Variants in TTC28 observed in about 807,000 individuals in gnomAD.
TTC28 encodes the protein tetratricopeptide repeat domain 28.
Under a neutral mutation model 198.0 loss-of-function variants are expected in TTC28, and 61 were observed. The observed-to-expected ratio is 0.31, with a 90% confidence interval of 0.25 to 0.38. The LOEUF (loss-of-function observed/expected upper bound fraction) is 0.38. Among genes scored for constraint, TTC28 ranks in the 10% least tolerant of loss-of-function variants. The probability of loss-of-function intolerance (pLI) is 1.00; values close to 1 mark genes in which losing one functional copy is unlikely to be tolerated. For missense variants in TTC28, 2,678 were observed against 3,164.0 expected (o/e 0.85, Z 3.69); for synonymous variants, 1,171 against 1,297.8 (o/e 0.90, Z 2.10).
chr22:28,468,359 C>T (rs991553692), intron 2 of TTC28, among the ~76,000 whole-genome samples: 3 of 151,984 alleles, frequency 2.0e-5, no homozygotes, highest in African/African-American at 4.8e-5. Context: ...ATTTCAGTGA[C>T]GACAAAAGCT....
chr22:28,091,117 C>T (rs1941800888), intron 12 of TTC28, among the ~76,000 whole-genome samples: 1 of 152,230 alleles, frequency 6.6e-6, no homozygotes, highest in African/African-American at 2.4e-5. Flanking sequence ...TCTTTCCTCT[C>T]TCTCTACCTT....
intron 12 of TTC28, among the ~76,000 whole-genome samples, chr22:28,030,749 C>T (rs1939041969): frequency 6.6e-6 from 1 of 152,262 alleles, no homozygotes; most frequent in Non-Finnish European, 1.5e-5. Context: ...GAGGCAAGTG[C>T]AGCTGTGAGG....
At chr22:28,572,457 T>C (rs550853587) in intron 2 of TTC28, among the ~76,000 whole-genome samples, 28 of 152,244 alleles carry the variant, frequency 1.8e-4, no homozygotes, top group African/African-American at 6.5e-4. Context: ...CTATAAAGGA[T>C]TGAAAATGAA....
chr22:28,332,838 C>T (rs1049190703), intron 2 of TTC28, among the ~76,000 whole-genome samples: 1 of 151,992 alleles, frequency 6.6e-6, no homozygotes, highest in Admixed American at 6.6e-5. Context: ...GCAATAAATG[C>T]CTATTGGTCA....
intron 5 of TTC28, among the ~76,000 whole-genome samples, chr22:28,275,420 T>C (rs774430406): frequency 2.6e-5 from 4 of 152,178 alleles, no homozygotes; most frequent in Non-Finnish European, 4.4e-5. Context: ...CAGGATCTCA[T>C]ATGCAGTGAA....
chr22:28,295,366 TTAA>T (rs1569244438), intron 5 of TTC28, among the ~76,000 whole-genome samples: 4 of 152,224 alleles, frequency 2.6e-5, no homozygotes, highest in South Asian at 2.1e-4. Context: ...CTCTTCCCTA[TTAA>T]TAATATTATA....
At chr22:28,146,091 G>A (rs1943463989) in intron 6 of TTC28, among the ~76,000 whole-genome samples, 1 of 152,158 alleles carries the variant, frequency 6.6e-6, no homozygotes, top group East Asian at 1.9e-4. Flanking sequence ...TGGTGTGTGG[G>A]GCTGTCCCAG....
intron 2 of TTC28, among the ~76,000 whole-genome samples, chr22:28,407,469 T>TGA (rs2047015430): frequency 1.4e-5 from 2 of 139,914 alleles, no homozygotes; most frequent in Admixed American, 7.3e-5. Flanking sequence ...CACACATGCG[T>TGA]GCGCACACAC....
At chr22:28,442,828 G>A (rs1175484285) in intron 2 of TTC28, 2 of 152,428 alleles carry the variant, frequency 1.3e-5, no homozygotes, top group Non-Finnish European at 2.9e-5. Flanking sequence ...TAACCGCCCC[G>A]TGTTACCCTT....
chr22:28,056,702 GT>G (rs2146721949), intron 12 of TTC28, among the ~76,000 whole-genome samples: 1 of 152,256 alleles, frequency 6.6e-6, no homozygotes, highest in African/African-American at 2.4e-5. Context: ...CATTAAGGAA[GT>G]TTTGACAAAG....
intron 6 of TTC28, among the ~76,000 whole-genome samples, chr22:28,141,892 T>G (rs1943344822): frequency 6.6e-6 from 1 of 152,202 alleles, no homozygotes; most frequent in African/African-American, 2.4e-5. Flanking sequence ...GCACAAGGGA[T>G]TCATTTATTA....
At chr22:28,001,628 G>C in intron 14 of TTC28, 75 bp from the exon 15 acceptor site, 1 of 1,483,222 alleles carries the variant, frequency 6.7e-7, no homozygotes. Flanking sequence ...ACAACCCTGA[G>C]CCCTAGCCTG....
intron 2 of TTC28, among the ~76,000 whole-genome samples, chr22:28,553,208 C>A (rs1346292395): frequency 6.6e-6 from 1 of 151,838 alleles, no homozygotes; most frequent in Non-Finnish European, 1.5e-5. Context: ...CCGGCCGCCA[C>A]CCCGTCTGGG....
intron 2 of TTC28, among the ~76,000 whole-genome samples, chr22:28,541,346 CAGAGG>C: frequency 6.6e-6 from 1 of 152,148 alleles, no homozygotes; most frequent in South Asian, 2.1e-4. Context: ...AAACAAAGCA[CAGAGG>C]TCTTGCTGGG....
intron 2 of TTC28, among the ~76,000 whole-genome samples, chr22:28,341,900 G>T (rs1399516793): frequency 2.0e-5 from 3 of 151,974 alleles, no homozygotes; most frequent in Non-Finnish European, 2.9e-5. Flanking sequence ...GATGGCTCGG[G>T]CCCAGGAGTT....
intron 2 of TTC28, among the ~76,000 whole-genome samples, chr22:28,418,016 C>A (rs1341702138): frequency 1.3e-5 from 2 of 152,162 alleles, no homozygotes; most frequent in Non-Finnish European, 2.9e-5. Context: ...TAAGAAAACC[C>A]AGTTTTAAAT....
At chr22:28,201,656 G>A (rs1417187749) in intron 5 of TTC28, among the ~76,000 whole-genome samples, 1 of 151,656 alleles carries the variant, frequency 6.6e-6, no homozygotes, top group Non-Finnish European at 1.5e-5. Context: ...GCAACAGCCA[G>A]GGGAGTTCTC....
chr22:28,407,329 A>C (rs2047012314), intron 2 of TTC28, among the ~76,000 whole-genome samples: 1 of 152,238 alleles, frequency 6.6e-6, no homozygotes, highest in African/African-American at 2.4e-5. Context: ...TCCAAGGCTT[A>C]TGGTATTTTT....
chr22:28,218,732 G>C (rs571828263), intron 5 of TTC28, among the ~76,000 whole-genome samples: 1 of 152,092 alleles, frequency 6.6e-6, no homozygotes, highest in African/African-American at 2.4e-5. Flanking sequence ...CTCAAGGGTT[G>C]AGATTTATTA....
Sources: gnomAD v4.1 joint callset for allele counts (sites outside exome capture counted in the v4.1 genomes callset) on GRCh38, gnomAD v4.1.1 for gene constraint, MANE v1.5 for transcripts, NCBI Gene and HGNC (gene_info 2026-07-23, HGNC 2026-07-21) for gene names.